The following CBFB variants were observed in gnomAD, a reference collection of about 807,000 sequenced individuals.
CBFB encodes the protein CBF-beta.
CBFB carries 9 observed loss-of-function variants against 30.4 expected under a neutral mutation model. The ratio of observed to expected loss-of-function variants is 0.30; its 90% CI spans 0.18 to 0.52. The LOEUF is 0.52. Ranked by LOEUF, CBFB falls within the 20% of genes least tolerant of loss-of-function variation. CBFB has a pLI of 0.97. For missense variants in CBFB, 170 were observed against 244.0 expected (o/e 0.70, Z 2.02); for synonymous variants, 94 against 84.0 (o/e 1.12, Z -0.65).
At chr16:67,070,948 C>G (rs1196146618) in intron 4 of CBFB, among the ~76,000 whole-genome samples, 4 of 152,126 alleles carry the variant, frequency 2.6e-5, no homozygotes, top group Non-Finnish European at 4.4e-5. Flanking sequence ...AGCCTTATTT[C>G]CATAGTCCCC....
rs954646831 is a variant in CBFB, at chr16:67,099,166, T to C, written c.*388T>C. ...GGGTTTTCTCTAATCATTTTTTCTA[T>C]TTTTTTTTTTGTACTTCTAGATGTT... On this transcript the variant is annotated 3_prime_UTR_variant, in exon 6 of 6. Transcript: ENST00000412916. 10 of 174,800 alleles carry C rather than the reference T, an allele frequency of 5.7e-5. No homozygotes were observed. Among genetic ancestry groups the C allele is most frequent in the African/African-American group, 2.4e-4 (10 of 40,920 alleles). The allele number at this position is 174,800 out of a possible 1,614,324, so 10.8% of individuals were successfully genotyped here. A position where few individuals can be genotyped will look rare whatever the true frequency, so the allele number is the denominator to read the frequency against.
intron 3 of CBFB, among the ~76,000 whole-genome samples, chr16:67,063,472 T>C (rs1337997498): frequency 6.6e-6 from 1 of 151,204 alleles, no homozygotes; most frequent in East Asian, 1.9e-4. Context: ...GACAGAGTCT[T>C]GCTCAGTCTA....
intron 5 of CBFB, among the ~76,000 whole-genome samples, chr16:67,095,420 G>A (rs1211672100): frequency 6.6e-6 from 1 of 152,094 alleles, no homozygotes; most frequent in Admixed American, 6.6e-5. Flanking sequence ...GGGAGGCTGA[G>A]GCAGGGGAAT....
chr16:67,052,050 C>T (rs1035424127), intron 3 of CBFB, among the ~76,000 whole-genome samples: 2 of 151,938 alleles, frequency 1.3e-5, no homozygotes, highest in Non-Finnish European at 2.9e-5. Context: ...TCTCTGCAAC[C>T]TCTGTCTCCC....
chr16:67,054,102 G>A (rs1960644270), intron 3 of CBFB, among the ~76,000 whole-genome samples: 1 of 151,894 alleles, frequency 6.6e-6, no homozygotes, highest in Admixed American at 6.5e-5. Context: ...ACTGATTTCT[G>A]TGTTCATCCT....
intron 3 of CBFB, among the ~76,000 whole-genome samples, chr16:67,056,914 T>G (rs1012654706): frequency 1.3e-5 from 2 of 152,148 alleles, no homozygotes; most frequent in East Asian, 3.9e-4. Flanking sequence ...TCTCTTGACC[T>G]CGTGATCCAC....
intron 4 of CBFB, among the ~76,000 whole-genome samples, chr16:67,078,079 T>C (rs940534062): frequency 6.6e-6 from 1 of 152,212 alleles, no homozygotes; most frequent in Non-Finnish European, 1.5e-5. Flanking sequence ...ACTTTGTGGG[T>C]AAGCACGTGG....
At chr16:67,059,647 C>G (rs921031923) in intron 3 of CBFB, among the ~76,000 whole-genome samples, 7 of 152,212 alleles carry the variant, frequency 4.6e-5, no homozygotes, top group African/African-American at 1.4e-4. Context: ...AGCCTGCGTT[C>G]CTTCAGGTTT....
intron 5 of CBFB, 87 bp downstream of exon 5, chr16:67,082,395 T>C: frequency 6.9e-7 from 1 of 1,458,804 alleles, no homozygotes; most frequent in Non-Finnish European, 9.2e-7. Context: ...TGCATAATGC[T>C]TTTTAATAGT....
chr16:67,037,525 T>G (rs973409863), intron 3 of CBFB, among the ~76,000 whole-genome samples: 2 of 152,152 alleles, frequency 1.3e-5, no homozygotes, highest in Non-Finnish European at 2.9e-5. Flanking sequence ...TACTTTTTTT[T>G]TGTTTTGAGA....
chr16:67,074,670 T>C (rs1018304410), intron 4 of CBFB, among the ~76,000 whole-genome samples: 36 of 152,094 alleles, frequency 2.4e-4, no homozygotes, highest in African/African-American at 8.7e-4. Context: ...CATGAGCCAC[T>C]GTGCCCGGCC....
At chr16:67,063,248 G>A (rs971015279) in intron 3 of CBFB, among the ~76,000 whole-genome samples, 2 of 152,124 alleles carry the variant, frequency 1.3e-5, no homozygotes, top group Non-Finnish European at 2.9e-5. Flanking sequence ...GTGGTTAAAC[G>A]GTTTCAGTTG....
At chr16:67,030,488 C>T (rs1270634511) in intron 2 of CBFB, among the ~76,000 whole-genome samples, 2 of 151,564 alleles carry the variant, frequency 1.3e-5, no homozygotes, top group African/African-American at 2.4e-5. Context: ...TTCACCAGAC[C>T]TTGGGTTGAA....
chr16:67,064,470 G>A (rs1043713366), intron 3 of CBFB, among the ~76,000 whole-genome samples: 1 of 152,154 alleles, frequency 6.6e-6, no homozygotes, highest in Admixed American at 6.5e-5. Context: ...CTCCCAAAGT[G>A]CTGGGATTAC....
At chr16:67,042,893 A>G (rs758030778) in intron 3 of CBFB, among the ~76,000 whole-genome samples, 2 of 152,002 alleles carry the variant, frequency 1.3e-5, no homozygotes, top group Non-Finnish European at 2.9e-5. Context: ...ATGCCACCAC[A>G]TGTGGCTAAT....
intron 2 of CBFB, among the ~76,000 whole-genome samples, chr16:67,036,140 A>T (rs1966437269): frequency 6.6e-6 from 1 of 152,232 alleles, no homozygotes; most frequent in Non-Finnish European, 1.5e-5. Context: ...TGTATGGTTT[A>T]TCAGAGGAGA....
chr16:67,078,415 A>G (rs1427887817), intron 4 of CBFB, among the ~76,000 whole-genome samples: 1 of 152,026 alleles, frequency 6.6e-6, no homozygotes, highest in Non-Finnish European at 1.5e-5. Context: ...CTCTGGTGGC[A>G]CACACCTGTA....
At chr16:67,056,713 C>T (rs924265981) in intron 3 of CBFB, among the ~76,000 whole-genome samples, 4 of 149,224 alleles carry the variant, frequency 2.7e-5, no homozygotes, top group South Asian at 2.1e-4. Flanking sequence ...GACAGAGTCT[C>T]GCTCTGTCAC....
At chr16:67,033,034 C>A (rs1250483689) in intron 2 of CBFB, among the ~76,000 whole-genome samples, 3 of 152,144 alleles carry the variant, frequency 2.0e-5, no homozygotes, top group Non-Finnish European at 4.4e-5. Flanking sequence ...ACCACCATGC[C>A]CAGCTAATTT....
Sources: gnomAD v4.1 joint callset for allele counts (sites outside exome capture counted in the v4.1 genomes callset) on GRCh38, gnomAD v4.1.1 for gene constraint, MANE v1.5 for transcripts, NCBI Gene and HGNC (gene_info 2026-07-23, HGNC 2026-07-21) for gene names.